The following A2ML1 variants were observed in gnomAD, a reference collection of about 807,000 sequenced individuals.
A2ML1 encodes alpha-2-macroglobulin-like protein 1.
Under a neutral mutation model 181.9 loss-of-function variants are expected in A2ML1, and 161 were observed. That is an observed-to-expected ratio of 0.89 (90% CI 0.78 to 1.01). The LOEUF (loss-of-function observed/expected upper bound fraction) is 1.01. A2ML1 is among the 50% of genes least tolerant of loss of function. The pLI is 0.00. For synonymous variants in A2ML1, 663 were observed against 666.8 expected (o/e 0.99, Z 0.09); for missense variants, 1,670 against 1,768.1 (o/e 0.94, Z 1.00).
chr12:8,824,423 A>AATGTGTAATCATTACATCAGGGTAC (rs1942861492), intron 3 of A2ML1, among the ~76,000 whole-genome samples: 1 of 151,928 alleles, frequency 6.6e-6, no homozygotes, highest in South Asian at 2.1e-4. Context: ...ACACACACAC[A>AATGTGTAATCATTACATCAGGGTAC]ATGTGTAATC....
chr12:8,866,067 C>T (rs1361196249), intron 29 of A2ML1, among the ~76,000 whole-genome samples: 3 of 151,826 alleles, frequency 2.0e-5, no homozygotes, highest in African/African-American at 4.8e-5. Flanking sequence ...CCTGTAATCC[C>T]AGCACTTTGG....
rs1943796051 is a variant in A2ML1 at position 8,848,921 on chromosome 12, C to A, written c.2028+7C>A. On this transcript the variant is annotated splice_region_variant and intron_variant, in intron 16 of 35. Coordinates refer to ENST00000299698, the MANE Select transcript of A2ML1 (RefSeq NM_144670.6). The stretch of plus-strand genomic sequence containing the variant: ...CCTTTTCAGCTTTTTCCGGGTAGGT[C>A]TTCTTACCCATTTTGTTCTTATGGG... 6.2e-7 allele frequency: 1 copy of A among 1,607,574 alleles called. No homozygotes were observed. The highest frequency in any genetic ancestry group is 1.7e-5 in the Admixed American group (1 of 58,744).
Position 8,855,562 on chromosome 12 carries a change from G to A in A2ML1, c.2818G>A (p.Asp940Asn), listed in dbSNP as rs778977448. The change falls in exon 23 of 36, where the codon GAC becomes AAC. Residue 940 changes from aspartate (D) to asparagine (N), a missense_variant. By Grantham distance (23) the Asp-to-Asn change is conservative. Transcript: ENST00000299698. ...SLELPVDIVP[D>N]STKAYVTVLG... ...GGAGCTCCCAGTGGACATTGTTCCT[G>A]ACTCGACCAAGGCTTATGTTACGGT... 3.7e-6 allele frequency: 6 copies of A among 1,614,036 alleles called. No individual in the cohort carries two copies. Among genetic ancestry groups the A allele is most frequent in the East Asian group, 2.2e-5 (1 of 44,896 alleles).
At chr12:8,873,598 G>C (rs1337333575) in intron 33 of A2ML1, among the ~76,000 whole-genome samples, 2 of 150,502 alleles carry the variant, frequency 1.3e-5, no homozygotes, top group Non-Finnish European at 2.9e-5. Flanking sequence ...ATGTATATGT[G>C]TATACACACA....
At position 8,854,117 on chromosome 12, in the gene A2ML1, C is replaced by A. The variant is rs1270246192; in HGVS notation, c.2591-11C>A. Reference sequence around the variant, plus strand: ...AATAGGGCTAATGGCTTCCCTTCTTCTTTCTCTCAGGTCACATTAACTTTA... The same window carrying A: ...AATAGGGCTAATGGCTTCCCTTCTTATTTCTCTCAGGTCACATTAACTTTA... On this transcript the variant is annotated splice_polypyrimidine_tract_variant and intron_variant, in intron 20 of 35. Coordinates refer to ENST00000299698, the MANE Select transcript of A2ML1 (RefSeq NM_144670.6). The A allele has an allele frequency of 1.3e-6, 2 of 1,568,510 alleles. No individual in the cohort carries two copies. The highest frequency in any genetic ancestry group is 1.8e-5 in the Admixed American group (1 of 55,140).
intron 3 of A2ML1, among the ~76,000 whole-genome samples, chr12:8,826,582 G>A (rs1271966929): frequency 1.3e-5 from 2 of 152,114 alleles, no homozygotes; most frequent in Non-Finnish European, 2.9e-5. Flanking sequence ...CAAGTAGCTG[G>A]GAGTACAGGC....
intron 4 of A2ML1, among the ~76,000 whole-genome samples, chr12:8,833,232 C>T (rs1431674690): frequency 1.3e-5 from 2 of 152,088 alleles, no homozygotes; most frequent in Non-Finnish European, 2.9e-5. Flanking sequence ...CTCAGCCTCC[C>T]AAAGTGCTGG....
In A2ML1 at chr12:8,835,328, A is replaced by T. The variant is rs73037002; in HGVS notation, c.484-179A>T. Among the ~76,000 whole-genome samples the T allele has an allele frequency of 6.5e-3, 994 of 152,334 alleles. 2 individuals carry two copies. The highest frequency in any genetic ancestry group is 8.0e-3 in the Non-Finnish European group (545 of 68,018). On this transcript the variant is annotated intron_variant, in intron 5 of 35. Transcript: ENST00000299698. Reference sequence around the variant, plus strand: ...CTGGATCTATAGAAATATTTACCTCATTCCGCCATAAAGAAAGTTATAAAT... The same window carrying T: ...CTGGATCTATAGAAATATTTACCTCTTTCCGCCATAAAGAAAGTTATAAAT...
At chr12:8,878,211 G>A (rs916526089), downstream of A2ML1, among the ~76,000 whole-genome samples, 23 of 152,164 alleles carry the variant, frequency 1.5e-4, no homozygotes, top group African/African-American at 5.1e-4. This position sits in a 1 kb window ranked among gnomAD's most constrained non-coding sequence, Gnocchi z 4.4. Flanking sequence ...GCTGAGGCAG[G>A]AGAATTGCTT....
Position 8,858,825 on chromosome 12 carries a change from C to T in A2ML1, c.3264+723C>T, listed in dbSNP as rs763644579. On this transcript the variant is annotated intron_variant, in intron 26 of 35. Coordinates refer to ENST00000299698, the MANE Select transcript of A2ML1 (RefSeq NM_144670.6). ...GACTAAAAGATCTCTGGGCCTCTTACTGTGTCACCAAATCCATCTGGGAAA... is the reference window on the plus strand; with the variant it reads ...GACTAAAAGATCTCTGGGCCTCTTATTGTGTCACCAAATCCATCTGGGAAA... Among the ~76,000 whole-genome samples the T allele has an allele frequency of 3.3e-5, 5 of 152,238 alleles. No individual in the cohort carries two copies. The South Asian group carries it at 1.0e-3, about 32-fold the overall frequency.
chr12:8,849,180 G>A (rs1048600486), intron 16 of A2ML1, among the ~76,000 whole-genome samples: 1 of 152,098 alleles, frequency 6.6e-6, no homozygotes, highest in Non-Finnish European at 1.5e-5. Flanking sequence ...TAGACCAGAG[G>A]TCTCTTATCA....
At chr12:8,826,106 T>G (rs1005045666) in intron 3 of A2ML1, among the ~76,000 whole-genome samples, 4 of 152,226 alleles carry the variant, frequency 2.6e-5, no homozygotes, top group African/African-American at 9.6e-5. Context: ...TTTATGATTT[T>G]TTTTACAAAA....
chr12:8,857,650 A>C, intron 25 of A2ML1, 62 bp downstream of exon 25: 1 of 1,538,058 alleles, frequency 6.5e-7, no homozygotes, highest in Non-Finnish European at 8.9e-7. Context: ...AGCCCTCTGG[A>C]ACTATTCCAC....
intron 29 of A2ML1, among the ~76,000 whole-genome samples, chr12:8,866,622 C>T (rs1944436749): frequency 6.6e-6 from 1 of 152,040 alleles, no homozygotes; most frequent in Non-Finnish European, 1.5e-5. Context: ...CAGTGAGGTC[C>T]CTTTCTTTGA....
In A2ML1 at chr12:8,876,756, G is replaced by T. The variant is rs1944810931; in HGVS notation, c.*700G>T. The stretch of plus-strand genomic sequence containing the variant: ...ATGTGATTTAGGGCTTTGGAAATTG[G>T]CTAAAAAAATAAAAATGGAAAAGAA... On this transcript the variant is annotated 3_prime_UTR_variant, in exon 36 of 36. Transcript: ENST00000299698. 1.3e-5 allele frequency: 2 copies of T among 152,036 alleles called. No individual in the cohort carries two copies. The highest frequency in any genetic ancestry group is 1.5e-5 in the Non-Finnish European group (1 of 68,022). The allele number at this position is 152,036 out of a possible 1,614,324, so 9.4% of individuals were successfully genotyped here. A position where few individuals can be genotyped will look rare whatever the true frequency, so the allele number is the denominator to read the frequency against.
chr12:8,842,783 G>A (rs1943535326), intron 11 of A2ML1, among the ~76,000 whole-genome samples: 1 of 152,262 alleles, frequency 6.6e-6, no homozygotes, highest in African/African-American at 2.4e-5. Flanking sequence ...AGTGTCTTCT[G>A]TGCCTAGTTT....
In A2ML1 at chr12:8,848,984, T is replaced by C; in HGVS notation, c.2028+70T>C. ...GGGAATGGGCAAAGGAAAGTTCATA[T>C]CTAAGAAAGCAGAGAGACTCATATG... On this transcript the variant is annotated intron_variant, in intron 16 of 35. Coordinates refer to ENST00000299698, the MANE Select transcript of A2ML1 (RefSeq NM_144670.6). 2.6e-6 allele frequency: 4 copies of C among 1,510,520 alleles called. No homozygotes were observed. The South Asian group carries it at 5.2e-5, about 20-fold the overall frequency. 93.6% of individuals were successfully genotyped at this position (1,510,520 alleles called of 1,614,324 possible). A position where few individuals can be genotyped will look rare whatever the true frequency, so the allele number is the denominator to read the frequency against.
intron 6 of A2ML1, 72 bp from the exon 7 acceptor site, chr12:8,836,183 C>G: frequency 8.1e-7 from 1 of 1,236,154 alleles, no homozygotes. Flanking sequence ...CTGTTTATAC[C>G]CCTCTGCTCA....
At chr12:8,846,243 G>A in intron 14 of A2ML1, 21 bp downstream of exon 14, 1 of 1,612,996 alleles carries the variant, frequency 6.2e-7, no homozygotes, top group Non-Finnish European at 8.5e-7. Flanking sequence ...AGCGGAGAAG[G>A]GTGAAGATAA....
Sources: gnomAD v4.1 joint callset for allele counts (sites outside exome capture counted in the v4.1 genomes callset) on GRCh38, gnomAD v4.1.1 for gene constraint, Gnocchi (gnomAD v3.1) non-coding constraint, MANE v1.5 for transcripts, NCBI Gene and HGNC (gene_info 2026-07-23, HGNC 2026-07-21) for gene names.